The following RIT2 variants were observed in gnomAD, a reference collection of about 807,000 sequenced individuals.
RIT2 encodes the protein GTP-binding protein Rit2.
RIT2 carries 24 observed loss-of-function variants against 23.7 expected under a neutral mutation model. That is an observed-to-expected ratio of 1.01 (90% CI 0.73 to 1.43). RIT2 has a LOEUF of 1.43. Ranked by LOEUF, RIT2 falls within the 40% of genes most tolerant of loss-of-function variation. RIT2 has a pLI of 0.00. For missense variants in RIT2, 236 were observed against 266.9 expected (o/e 0.88, Z 0.81); for synonymous variants, 107 against 91.1 (o/e 1.17, Z -0.99).
intron 4 of RIT2, among the ~76,000 whole-genome samples, chr18:42,842,640 G>C (rs1906798572): frequency 6.6e-6 from 1 of 152,032 alleles, no homozygotes; most frequent in Admixed American, 6.6e-5. Flanking sequence ...GTTTATTACA[G>C]ATTGAGCATC....
At chr18:43,036,130 AG>A (rs1459352300) in intron 1 of RIT2, among the ~76,000 whole-genome samples, 2 of 152,244 alleles carry the variant, frequency 1.3e-5, no homozygotes, top group African/African-American at 4.8e-5. Flanking sequence ...TTAAGAAAGA[AG>A]ATATGAAAGC....
chr18:42,934,384 T>A (rs1305201578), intron 3 of RIT2, among the ~76,000 whole-genome samples: 1 of 152,184 alleles, frequency 6.6e-6, no homozygotes, highest in African/African-American at 2.4e-5. Flanking sequence ...TAAAATTGCA[T>A]ATTCAACTAC....
intron 4 of RIT2, among the ~76,000 whole-genome samples, chr18:42,842,520 G>T (rs1906795012): frequency 6.6e-6 from 1 of 152,044 alleles, no homozygotes; most frequent in African/African-American, 2.4e-5. Flanking sequence ...GAGATGGTGG[G>T]ACTAGAATTC....
At chr18:42,926,083 A>G (rs1909173087) in intron 3 of RIT2, among the ~76,000 whole-genome samples, 1 of 151,762 alleles carries the variant, frequency 6.6e-6, no homozygotes, top group Non-Finnish European at 1.5e-5. Context: ...AAATTTATCT[A>G]TACCTGAGAA....
chr18:42,876,276 G>A (rs1342673880), intron 4 of RIT2, among the ~76,000 whole-genome samples: 2 of 151,134 alleles, frequency 1.3e-5, no homozygotes, highest in African/African-American at 4.9e-5. Context: ...CCCCAGTGAA[G>A]ATATTTTTAC....
At chr18:42,977,780 C>T (rs1055214954) in intron 2 of RIT2, among the ~76,000 whole-genome samples, 2 of 149,270 alleles carry the variant, frequency 1.3e-5, no homozygotes, top group African/African-American at 4.9e-5. Flanking sequence ...GACTGTGCTC[C>T]AGAAGGTAGA....
intron 2 of RIT2, among the ~76,000 whole-genome samples, chr18:43,000,781 G>C (rs1233839185): frequency 6.6e-6 from 1 of 151,900 alleles, no homozygotes; most frequent in Non-Finnish European, 1.5e-5. Flanking sequence ...AGTTTTCTGA[G>C]GCCTCCCCAG....
chr18:42,892,266 T>C (rs541926543), intron 4 of RIT2, among the ~76,000 whole-genome samples: 2 of 152,198 alleles, frequency 1.3e-5, no homozygotes, highest in South Asian at 2.1e-4. Context: ...ACCTTTCATA[T>C]GTGTAGGCCC....
At chr18:42,788,865 G>C (rs1488519624) in intron 4 of RIT2, among the ~76,000 whole-genome samples, 2 of 152,100 alleles carry the variant, frequency 1.3e-5, no homozygotes, top group East Asian at 3.8e-4. Context: ...CCACTCAATT[G>C]CCCAAGTGCT....
intron 4 of RIT2, 88 bp downstream of exon 4, chr18:42,923,484 T>G: frequency 9.3e-7 from 1 of 1,071,414 alleles, no homozygotes; most frequent in Non-Finnish European, 1.4e-6. Flanking sequence ...CTCATAATTT[T>G]CAGTGTGAAC....
chr18:42,924,466 G>A (rs943021056), intron 3 of RIT2, among the ~76,000 whole-genome samples: 1 of 151,820 alleles, frequency 6.6e-6, no homozygotes, highest in Non-Finnish European at 1.5e-5. Flanking sequence ...ACTTCTCGGT[G>A]ACTGAAAATT....
chr18:42,965,073 G>A (rs1458796510), intron 3 of RIT2, among the ~76,000 whole-genome samples: 5 of 152,176 alleles, frequency 3.3e-5, no homozygotes, highest in Admixed American at 3.3e-4. Flanking sequence ...TGTTGCAAAT[G>A]TCATGAAGGC....
At chr18:42,855,154 A>G (rs1907149451) in intron 4 of RIT2, among the ~76,000 whole-genome samples, 1 of 152,200 alleles carries the variant, frequency 6.6e-6, no homozygotes, top group South Asian at 2.1e-4. Context: ...CAGCTAAGAC[A>G]TATCTCTATC....
intron 1 of RIT2, among the ~76,000 whole-genome samples, chr18:43,109,910 G>A (rs1192937184): frequency 1.3e-5 from 2 of 152,034 alleles, no homozygotes; most frequent in African/African-American, 4.8e-5. Context: ...ATCTGACATT[G>A]GGAACCTTTT....
At chr18:43,033,665 T>A (rs1911908793) in intron 2 of RIT2, 146 bp downstream of exon 2, 1 of 614,542 alleles carries the variant, frequency 1.6e-6, no homozygotes, top group Non-Finnish European at 2.9e-6. Context: ...TCTGTTGTGG[T>A]ACGTTACATA....
At chr18:43,106,246 A>G (rs973735840) in intron 1 of RIT2, among the ~76,000 whole-genome samples, 2 of 152,264 alleles carry the variant, frequency 1.3e-5, no homozygotes, top group Non-Finnish European at 2.9e-5. Flanking sequence ...TGGACAAAAC[A>G]AGAAACATTC....
At chr18:42,863,239 G>A (rs1907377590) in intron 4 of RIT2, among the ~76,000 whole-genome samples, 1 of 152,118 alleles carries the variant, frequency 6.6e-6, no homozygotes, top group South Asian at 2.1e-4. Flanking sequence ...TTTTAGACAA[G>A]CATATCTAAT....
chr18:42,971,273 A>C (rs1910355957), intron 3 of RIT2, among the ~76,000 whole-genome samples: 1 of 152,022 alleles, frequency 6.6e-6, no homozygotes. Context: ...CCTGAATGGA[A>C]GGATTTAATA....
intron 2 of RIT2, among the ~76,000 whole-genome samples, chr18:43,009,960 A>G (rs1197667575): frequency 6.6e-6 from 1 of 151,670 alleles, no homozygotes; most frequent in Non-Finnish European, 1.5e-5. Context: ...AGACTCAATT[A>G]ACTCTCCCAG....
Sources: gnomAD v4.1 joint callset for allele counts (sites outside exome capture counted in the v4.1 genomes callset) on GRCh38, gnomAD v4.1.1 for gene constraint, MANE v1.5 for transcripts, NCBI Gene and HGNC (gene_info 2026-07-23, HGNC 2026-07-21) for gene names.